Variants in PDZD2 observed in about 807,000 individuals in gnomAD.
PDZD2 encodes PDZ domain containing 2, also known as PDZ domain-containing protein 2.
Under a neutral mutation model 220.7 loss-of-function variants are expected in PDZD2, and 90 were observed. That is an observed-to-expected ratio of 0.41 (90% CI 0.34 to 0.49). PDZD2 has a LOEUF of 0.49. Among genes scored for constraint, PDZD2 ranks in the 20% least tolerant of loss-of-function variants. The pLI, the probability that PDZD2 is intolerant of heterozygous loss-of-function variation, is 0.28. For missense variants in PDZD2, 3,174 were observed against 3,608.5 expected (o/e 0.88, Z 3.08); for synonymous variants, 1,375 against 1,450.5 (o/e 0.95, Z 1.18).
At chr5:31,844,131 T>A (rs1324361036) in intron 2 of PDZD2, among the ~76,000 whole-genome samples, 1 of 152,172 alleles carries the variant, frequency 6.6e-6, no homozygotes, top group African/African-American at 2.4e-5. Flanking sequence ...TGAATGTGGT[T>A]CATTGACTTG....
intron 2 of PDZD2, among the ~76,000 whole-genome samples, chr5:31,893,916 C>T (rs769239074): frequency 7.3e-5 from 11 of 151,148 alleles, no homozygotes; most frequent in Non-Finnish European, 1.6e-4. Flanking sequence ...TATTTTGAGA[C>T]GGAGTTTCAC....
At chr5:31,769,998 T>C (rs1752248390) in intron 1 of PDZD2, among the ~76,000 whole-genome samples, 1 of 152,214 alleles carries the variant, frequency 6.6e-6, no homozygotes, top group Non-Finnish European at 1.5e-5. Flanking sequence ...CACCAACACT[T>C]AGATTCTCTG....
At chr5:31,645,200 A>G (rs1046762558) in intron 1 of PDZD2, among the ~76,000 whole-genome samples, 1 of 152,116 alleles carries the variant, frequency 6.6e-6, no homozygotes, top group Admixed American at 6.5e-5. Flanking sequence ...TTAAGGATCT[A>G]TGGTTTTAAC....
chr5:31,805,225 A>C (rs1393477982), intron 2 of PDZD2, among the ~76,000 whole-genome samples: 1 of 152,192 alleles, frequency 6.6e-6, no homozygotes, highest in Non-Finnish European at 1.5e-5. Context: ...AGGAAGCCCA[A>C]TTGTAATATA....
Position 31,663,015 on chromosome 5 carries a change from A to G in PDZD2, c.-361+23578A>G, listed in dbSNP as rs1745842102. Among the ~76,000 whole-genome samples, 5 of 152,176 alleles carry G rather than the reference A, an allele frequency of 3.3e-5. No homozygotes were observed. In the South Asian group the frequency reaches 1.0e-3, roughly 31 times the overall value. On this transcript the variant is annotated intron_variant, in intron 1 of 24. Transcript: ENST00000438447. ...GTTGCAGGGTGGGACACGGACATTCAGGCCACGGCACCACCTCTCACATGA... is the reference window on the plus strand; with the variant it reads ...GTTGCAGGGTGGGACACGGACATTCGGGCCACGGCACCACCTCTCACATGA...
intron 1 of PDZD2, among the ~76,000 whole-genome samples, chr5:31,724,359 T>C (rs1423048892): frequency 6.6e-6 from 1 of 151,938 alleles, no homozygotes; most frequent in Admixed American, 6.6e-5. Context: ...TCCCAGCACT[T>C]TGGGAGGCCG....
At chr5:31,843,694 G>C (rs4867388) in intron 2 of PDZD2, 2 of 138,850 alleles carry the variant, frequency 1.4e-5, no homozygotes, top group Admixed American at 1.4e-4. Flanking sequence ...GTGTAAACTG[G>C]AAAGTAGTCC....
At chr5:31,663,817 G>A (rs969071590) in intron 1 of PDZD2, among the ~76,000 whole-genome samples, 7 of 152,162 alleles carry the variant, frequency 4.6e-5, no homozygotes, top group Non-Finnish European at 1.0e-4. Context: ...GGCAGGCTTG[G>A]CCCTGAACCG....
At chr5:32,051,637 G>T (rs753784428) in intron 8 of PDZD2, among the ~76,000 whole-genome samples, 1 of 152,112 alleles carries the variant, frequency 6.6e-6, no homozygotes, top group African/African-American at 2.4e-5. Context: ...TCTAAGGAGC[G>T]CAGCCTGCTT....
rs112304173 is a variant in PDZD2 at position 31,926,055 on chromosome 5, G to A, written c.477-57100G>A. Among the ~76,000 whole-genome samples the A allele has an allele frequency of 7.8e-3, 1,188 of 151,844 alleles. 17 individuals are homozygous for A. Among genetic ancestry groups the A allele is most frequent in the African/African-American group, 0.027 (1,134 of 41,396 alleles). On this transcript the variant is annotated intron_variant, in intron 2 of 24. Coordinates refer to ENST00000438447, the MANE Select transcript of PDZD2 (RefSeq NM_178140.4). ...GAAACGCATAGCAAGACCCTGTCTCGACAGAAAGTAAAAAAAATTAGCCAG... is the reference window on the plus strand; with the variant it reads ...GAAACGCATAGCAAGACCCTGTCTCAACAGAAAGTAAAAAAAATTAGCCAG...
chr5:31,939,284 TC>T (rs1360076666), intron 2 of PDZD2, among the ~76,000 whole-genome samples: 2 of 152,176 alleles, frequency 1.3e-5, no homozygotes, highest in African/African-American at 4.8e-5. Flanking sequence ...AACCTGCTGT[TC>T]CTGTATGCAC....
chr5:31,823,153 GCAAAAAAA>G (rs1755993433), intron 2 of PDZD2: 235 of 73,632 alleles, frequency 3.2e-3, no homozygotes, highest in Middle Eastern at 7.6e-3. Flanking sequence ...AGTAGACGTG[GCAAAAAAA>G]AAAAAAAAAA....
At chr5:31,945,378 TC>T (rs1301642978) in intron 2 of PDZD2, among the ~76,000 whole-genome samples, 1 of 152,206 alleles carries the variant, frequency 6.6e-6, no homozygotes, top group Non-Finnish European at 1.5e-5. Flanking sequence ...GGTTATTGAT[TC>T]CTAGTGAAGG....
intron 6 of PDZD2, among the ~76,000 whole-genome samples, chr5:32,030,740 T>TG (rs1221103470): frequency 6.6e-6 from 1 of 152,216 alleles, no homozygotes; most frequent in African/African-American, 2.4e-5. Flanking sequence ...CCACTGGCTC[T>TG]GCGTTAGCTA....
At chr5:32,060,049 C>T (rs1739520055) in intron 13 of PDZD2, among the ~76,000 whole-genome samples, 1 of 152,090 alleles carries the variant, frequency 6.6e-6, no homozygotes, top group Admixed American at 6.5e-5. Context: ...ATCTTTCTGC[C>T]CTGTAAACTT....
At chr5:31,818,158 G>A (rs1755592647) in intron 2 of PDZD2, among the ~76,000 whole-genome samples, 1 of 151,700 alleles carries the variant, frequency 6.6e-6, no homozygotes, top group South Asian at 2.1e-4. Context: ...TTTTTTTAGA[G>A]ATGGGGTTTC....
At chr5:31,850,243 TACACAC>T (rs1554082942) in intron 2 of PDZD2, among the ~76,000 whole-genome samples, 3 of 122,230 alleles carry the variant, frequency 2.5e-5, no homozygotes, top group Non-Finnish European at 3.4e-5. Flanking sequence ...TATATATATA[TACACAC>T]ACACACACAC....
chr5:31,821,806 C>T (rs915018244), intron 2 of PDZD2, among the ~76,000 whole-genome samples: 12 of 151,886 alleles, frequency 7.9e-5, no homozygotes, highest in African/African-American at 2.9e-4. Flanking sequence ...TTTTAAGCCC[C>T]ACATGCATTA....
At chr5:31,934,200 A>G (rs1046157774) in intron 2 of PDZD2, among the ~76,000 whole-genome samples, 4 of 145,398 alleles carry the variant, frequency 2.8e-5, no homozygotes, top group African/African-American at 5.0e-5. Flanking sequence ...TTTTTCCCTC[A>G]CTTCTTTTAA....
Sources: gnomAD v4.1 joint callset for allele counts (sites outside exome capture counted in the v4.1 genomes callset) on GRCh38, gnomAD v4.1.1 for gene constraint, MANE v1.5 for transcripts, NCBI Gene and HGNC (gene_info 2026-07-23, HGNC 2026-07-21) for gene names.